The following DPY19L2 variants were observed in gnomAD, a reference collection of about 807,000 sequenced individuals.
DPY19L2 encodes the protein dpy-19 like 2, also known as probable C-mannosyltransferase DPY19L2.
Under a neutral mutation model 97.9 loss-of-function variants are expected in DPY19L2, and 34 were observed. The ratio of observed to expected loss-of-function variants is 0.35; its 90% CI spans 0.26 to 0.46. DPY19L2 has a LOEUF of 0.46. Among genes scored for constraint, DPY19L2 ranks in the 20% least tolerant of loss-of-function variants. The probability of loss-of-function intolerance (pLI) is 1.00; values close to 1 mark genes in which losing one functional copy is unlikely to be tolerated. For synonymous variants in DPY19L2, 230 were observed against 307.9 expected, an observed-to-expected ratio of 0.75 and a Z score of 2.65; for missense variants, 623 against 911.4, an observed-to-expected ratio of 0.68 and a Z score of 4.07.
At chr12:63,590,109 CA>C (rs559608789) in intron 16 of DPY19L2, among the ~76,000 whole-genome samples, 1 of 141,636 alleles carries the variant, frequency 7.1e-6, no homozygotes, top group African/African-American at 2.9e-5. Context: ...AGCAGCGAGA[CA>C]AAAAAAACAA....
intron 1 of DPY19L2, among the ~76,000 whole-genome samples, chr12:63,666,750 G>C (rs557121280): frequency 6.6e-6 from 1 of 152,196 alleles, no homozygotes; most frequent in South Asian, 2.1e-4. Context: ...CGTCATGGAG[G>C]AGTGCATTTC....
chr12:63,577,229 C>CATATGCAGA (rs969538547), intron 19 of DPY19L2, among the ~76,000 whole-genome samples: 19 of 151,714 alleles, frequency 1.3e-4, no homozygotes, highest in Non-Finnish European at 1.3e-4. Flanking sequence ...ACTGAATATC[C>CATATGCAGA]ATATGCAGAA....
chr12:63,649,734 A>C (rs1051114409), intron 4 of DPY19L2, among the ~76,000 whole-genome samples: 2 of 152,188 alleles, frequency 1.3e-5, no homozygotes, highest in African/African-American at 4.8e-5. Context: ...TTCACAGCCA[A>C]ATTCTACCAG....
chr12:63,607,067 T>C (rs1886160711), intron 12 of DPY19L2, among the ~76,000 whole-genome samples: 1 of 152,138 alleles, frequency 6.6e-6, no homozygotes, highest in Non-Finnish European at 1.5e-5. Flanking sequence ...AGCTGAACAT[T>C]TGGTTAAATC....
In DPY19L2 at chr12:63,610,194, G is replaced by C. The variant is rs184071415; in HGVS notation, c.1219-1519C>G. Among the ~76,000 whole-genome samples the C allele has an allele frequency of 4.6e-5, 7 of 151,862 alleles. No homozygotes were observed. In the East Asian group the frequency reaches 1.4e-3, roughly 29 times the overall value. On this transcript the variant is annotated intron_variant, in intron 11 of 21. Transcript: ENST00000324472. ...AGTACTTTAAAAAGCCAACTAAATG[G>C]GTCAACCAGAAAACTAATGAGATTT...
chr12:63,621,606 G>A (rs1888701662), intron 8 of DPY19L2, among the ~76,000 whole-genome samples: 1 of 152,014 alleles, frequency 6.6e-6, no homozygotes, highest in Non-Finnish European at 1.5e-5. Context: ...CTCTACATAT[G>A]CATGACATTA....
rs1391504264 is a variant in DPY19L2 at position 63,604,271 on chromosome 12, C to T, written c.1279-3885G>A. On this transcript the variant is annotated intron_variant, in intron 12 of 21. Transcript: ENST00000324472. ...CCATACCTGCTTTCAAGATTTTTTTCTTTTCATTTTAAAAGTTAACTTATA... is the reference window on the plus strand; with the variant it reads ...CCATACCTGCTTTCAAGATTTTTTTTTTTTCATTTTAAAAGTTAACTTATA... Among the ~76,000 whole-genome samples, 7 of 152,086 alleles carry T rather than the reference C, an allele frequency of 4.6e-5. No individual in the cohort carries two copies. The South Asian group carries it at 1.2e-3, about 27-fold the overall frequency.
At chr12:63,629,027 A>T (rs902678811) in intron 6 of DPY19L2, among the ~76,000 whole-genome samples, 1 of 152,128 alleles carries the variant, frequency 6.6e-6, no homozygotes, top group African/African-American at 2.4e-5. Flanking sequence ...AAGGAAAACT[A>T]ACAAACAGAA....
At chr12:63,585,955 T>G (rs575511293) in intron 16 of DPY19L2, among the ~76,000 whole-genome samples, 1 of 152,222 alleles carries the variant, frequency 6.6e-6, no homozygotes, top group East Asian at 1.9e-4. Context: ...AAGAGCAAAA[T>G]GTACACAGCT....
intron 6 of DPY19L2, among the ~76,000 whole-genome samples, chr12:63,642,116 C>T (rs1892783773): frequency 6.6e-6 from 1 of 152,082 alleles, no homozygotes; most frequent in African/African-American, 2.4e-5. Flanking sequence ...TCTTCTTTAT[C>T]TTCCCACTCT....
chr12:63,560,314 A>T lies in DPY19L2; in HGVS notation c.*198T>A. On this transcript the variant is annotated 3_prime_UTR_variant, in exon 22 of 22. Transcript: ENST00000324472. ...CATGAATGATTTAATAACTTATATG[A>T]CAAGCTTAATAAGGCTGACATTCAA... is the stretch of plus-strand genomic sequence containing the variant. 1.9e-6 allele frequency: 1 copy of T among 540,028 alleles called. No individual in the cohort carries two copies. Among genetic ancestry groups the T allele is most frequent in the Non-Finnish European group, 3.1e-6 (1 of 327,826 alleles). The allele number at this position is 540,028 out of a possible 1,614,324, so 33.5% of individuals were successfully genotyped here.
chr12:63,602,818 G>A (rs1293539571), intron 12 of DPY19L2, among the ~76,000 whole-genome samples: 3 of 152,060 alleles, frequency 2.0e-5, no homozygotes, highest in Non-Finnish European at 2.9e-5. Flanking sequence ...AAGTATAGAC[G>A]TTATTTAAAG....
chr12:63,623,251 A>C (rs1888989314), intron 8 of DPY19L2, among the ~76,000 whole-genome samples: 1 of 151,972 alleles, frequency 6.6e-6, no homozygotes, highest in African/African-American at 2.4e-5. Flanking sequence ...GTGTATCCAA[A>C]AAAAAAAGTT....
chr12:63,600,611 C>CTTTTTT (rs71434019), intron 12 of DPY19L2, among the ~76,000 whole-genome samples: 31 of 110,562 alleles, frequency 2.8e-4, no homozygotes, highest in African/African-American at 8.4e-4. Flanking sequence ...TATCCTAAAT[C>CTTTTTT]TTTTTTTTTT....
At chr12:63,642,783 T>G (rs1648366778) in intron 6 of DPY19L2, among the ~76,000 whole-genome samples, 1 of 151,832 alleles carries the variant, frequency 6.6e-6, no homozygotes, top group South Asian at 2.1e-4. Flanking sequence ...CCTTTGCATT[T>G]TTGAATAACT....
chr12:63,588,899 G>T (rs1218073465), intron 16 of DPY19L2, among the ~76,000 whole-genome samples: 1 of 151,678 alleles, frequency 6.6e-6, no homozygotes, highest in African/African-American at 2.4e-5. Context: ...GACTACAGGC[G>T]CCCACCACGA....
intron 7 of DPY19L2, among the ~76,000 whole-genome samples, chr12:63,625,939 TATATATATA>T (rs1889460004): frequency 1.3e-5 from 1 of 75,764 alleles, no homozygotes; most frequent in Admixed American, 1.4e-4. Flanking sequence ...ATATATGTTA[TATATATATA>T]ATATATAAGT....
At chr12:63,607,829 T>C (rs1040469847) in intron 12 of DPY19L2, among the ~76,000 whole-genome samples, 12 of 151,902 alleles carry the variant, frequency 7.9e-5, no homozygotes, top group Non-Finnish European at 1.5e-4. Context: ...GATGGGGTTT[T>C]GCCGTGTTGC....
chr12:63,649,491 G>C (rs1372985579), intron 4 of DPY19L2, among the ~76,000 whole-genome samples: 1 of 151,946 alleles, frequency 6.6e-6, no homozygotes, highest in African/African-American at 2.4e-5. Flanking sequence ...AATGACAAAG[G>C]ATATATTACC....
Sources: allele counts gnomAD v4.1 joint callset (sites outside exome capture counted in the v4.1 genomes callset), GRCh38; gene constraint gnomAD v4.1.1; transcripts MANE v1.5; gene names NCBI Gene and HGNC (gene_info 2026-07-23, HGNC 2026-07-21).